TRAF3IP3: variants seen among roughly 807,000 people sequenced by gnomAD.
TRAF3IP3 encodes TRAF3 interacting protein 3, also known as TRAF3-interacting JNK-activating modulator.
In TRAF3IP3, 64 loss-of-function variants were observed where a neutral mutation model predicts 86.5. That is an observed-to-expected ratio of 0.74 (90% CI 0.60 to 0.91). The LOEUF is 0.91. TRAF3IP3 is among the 40% of genes least tolerant of loss of function. TRAF3IP3 has a pLI of 0.00. For synonymous variants in TRAF3IP3, 220 were observed against 243.9 expected, an observed-to-expected ratio of 0.90 and a Z score of 0.91; for missense variants, 579 against 642.9, an observed-to-expected ratio of 0.90 and a Z score of 1.07.
At position 209,766,725 on chromosome 1, in the gene TRAF3IP3, G is replaced by A. The variant is rs139057523; in HGVS notation, c.702+3138G>A. On this transcript the variant is annotated intron_variant, in intron 8 of 16. Coordinates refer to ENST00000367025, the MANE Select transcript of TRAF3IP3 (RefSeq NM_025228.4). ...CTAAAGATACAAAAATTAGCTGAGC[G>A]TAATCGTGCATGCCTGAAGTCCGAG... Among the ~76,000 whole-genome samples the A allele has an allele frequency of 1.2e-3, 190 of 152,304 alleles. 5 individuals carry two copies. In the East Asian group the frequency reaches 0.017, roughly 14 times the overall value.
At chr1:209,757,493 T>C (rs2077174997) in intron 1 of TRAF3IP3, among the ~76,000 whole-genome samples, 1 of 152,094 alleles carries the variant, frequency 6.6e-6, no homozygotes, top group South Asian at 2.1e-4. Flanking sequence ...CTTGGTGTAA[T>C]TGGGATGGCA....
chr1:209,780,730 C>A (rs2077759568), intron 15 of TRAF3IP3, 124 bp downstream of exon 15: 3 of 927,714 alleles, frequency 3.2e-6, no homozygotes, highest in South Asian at 3.1e-5. Context: ...CATTCATTTG[C>A]CTACATAAAG....
In TRAF3IP3 at chr1:209,781,855, C is replaced by T. The variant is rs144266223; in HGVS notation, c.1564-201C>T. 1.9e-3 allele frequency: 1,087 copies of T among 573,006 alleles called. 11 individuals carry two copies. The highest frequency in any genetic ancestry group is 0.018 in the African/African-American group (956 of 53,376). 35.5% of individuals were successfully genotyped at this position (573,006 alleles called of 1,614,324 possible). Reference sequence around the variant, plus strand: ...TTATATATCTGGTCCCTGATGGATACGGCTCCCTGGGCCAGAGAACATTGG... The same window carrying T: ...TTATATATCTGGTCCCTGATGGATATGGCTCCCTGGGCCAGAGAACATTGG... On this transcript the variant is annotated intron_variant, in intron 16 of 16. Coordinates refer to ENST00000367025, the MANE Select transcript of TRAF3IP3 (RefSeq NM_025228.4).
At chr1:209,771,049 CGT>C (rs2077491242) in intron 8 of TRAF3IP3, among the ~76,000 whole-genome samples, 6 of 48,572 alleles carry the variant, frequency 1.2e-4, no homozygotes, top group African/African-American at 4.1e-4. Context: ...TGGAAGTGTG[CGT>C]GTGCATGTGG....
intron 8 of TRAF3IP3, among the ~76,000 whole-genome samples, chr1:209,767,011 G>A (rs2077370156): frequency 6.6e-6 from 1 of 152,174 alleles, no homozygotes; most frequent in African/African-American, 2.4e-5. Context: ...ATGATTACAG[G>A]CCTATGTATG....
intron 1 of TRAF3IP3, among the ~76,000 whole-genome samples, chr1:209,757,165 C>A (rs2077168708): frequency 6.6e-6 from 1 of 152,230 alleles, no homozygotes; most frequent in African/African-American, 2.4e-5. Context: ...GGAACACTCC[C>A]CTCTCTAAGG....
At chr1:209,778,031 T>A in intron 12 of TRAF3IP3, 80 bp from the exon 13 acceptor site, 1 of 1,211,028 alleles carries the variant, frequency 8.3e-7, no homozygotes, top group Non-Finnish European at 1.2e-6. Context: ...AGACAGCATC[T>A]ATTACTAATT....
intron 16 of TRAF3IP3, 21 bp from the exon 17 acceptor site, chr1:209,782,035 T>C: frequency 1.2e-6 from 2 of 1,604,838 alleles, no homozygotes; most frequent in Non-Finnish European, 1.7e-6. Flanking sequence ...CACTTTCTTC[T>C]GTCTCCCTGT....
In TRAF3IP3 at chr1:209,760,294, G is replaced by A; in HGVS notation, c.255G>A (p.Arg85=). 1 of 1,614,184 alleles carries A rather than the reference G, an allele frequency of 6.2e-7. No homozygotes were observed. Among genetic ancestry groups the A allele is most frequent in the Non-Finnish European group, 8.5e-7 (1 of 1,180,018 alleles). The stretch of plus-strand genomic sequence containing the variant: ...GCAAAGCGCAGCATCCCCAGGCCAG[G>A]GAGCAAGGGCCCTCCAGGCGGCCAG... ...EKGKAQHPQA[R]EQGPSRRPGQ... The change falls in exon 3 of 17, where the codon AGG becomes AGA. Residue 85 remains arginine (R), a synonymous_variant. Coordinates refer to ENST00000367025, the MANE Select transcript of TRAF3IP3 (RefSeq NM_025228.4).
chr1:209,775,232 G>C lies in TRAF3IP3; in HGVS notation c.775-117G>C. 3 of 958,546 alleles carry C rather than the reference G, an allele frequency of 3.1e-6. No homozygotes were observed. In the South Asian group the frequency reaches 5.0e-5, roughly 16 times the overall value. 59.4% of individuals were successfully genotyped at this position (958,546 alleles called of 1,614,324 possible). A position where few individuals can be genotyped will look rare whatever the true frequency, so the allele number is the denominator to read the frequency against. On this transcript the variant is annotated intron_variant, in intron 9 of 16. Coordinates refer to ENST00000367025, the MANE Select transcript of TRAF3IP3 (RefSeq NM_025228.4). The stretch of plus-strand genomic sequence containing the variant: ...CTACCCTAAAAGAAATGGCTCACTA[G>C]ATTACTGGTATCTCTGCCTGGGGGA...
At chr1:209,777,515 G>A in intron 12 of TRAF3IP3, 28 bp downstream of exon 12, 1 of 1,567,914 alleles carries the variant, frequency 6.4e-7, no homozygotes, top group Non-Finnish European at 8.7e-7. Context: ...GGCCTTGAGT[G>A]CATGGCAGCC....
intron 2 of TRAF3IP3, among the ~76,000 whole-genome samples, chr1:209,759,444 C>A (rs891883060): frequency 2.0e-5 from 3 of 152,182 alleles, no homozygotes; most frequent in Non-Finnish European, 4.4e-5. Context: ...CTGGTCACCA[C>A]CTGAGGGGGT....
intron 11 of TRAF3IP3, 53 bp downstream of exon 11, chr1:209,775,789 G>A: frequency 6.5e-7 from 1 of 1,532,402 alleles, no homozygotes; most frequent in Non-Finnish European, 8.8e-7. Context: ...AGGAGGGATG[G>A]TGATGAAAGA....
At position 209,777,811 on chromosome 1, in the gene TRAF3IP3, T is replaced by G. The variant is rs570300116; in HGVS notation, c.1190-300T>G. ...TCCTAATTTGAAAGGGAAAGGTCAG[T>G]TGAAACACAAGGCATAGAGAAAGTC... On this transcript the variant is annotated intron_variant, in intron 12 of 16. Coordinates refer to ENST00000367025, the MANE Select transcript of TRAF3IP3 (RefSeq NM_025228.4). 50 of 522,622 alleles carry G rather than the reference T, an allele frequency of 9.6e-5. No homozygotes were observed. The South Asian group carries it at 1.0e-3, about 11-fold the overall frequency. 32.4% of individuals were successfully genotyped at this position (522,622 alleles called of 1,614,324 possible). A position where few individuals can be genotyped will look rare whatever the true frequency, so the allele number is the denominator to read the frequency against.
Position 209,760,049 on chromosome 1 carries a change from C to A in TRAF3IP3, c.10C>A (p.Pro4Thr). The A allele has an allele frequency of 1.2e-6, 2 of 1,613,306 alleles. No individual in the cohort carries two copies. The highest frequency in any genetic ancestry group is 1.7e-6 in the Non-Finnish European group (2 of 1,179,388). ...GTGCTTGGAGGTCATCATGATCAGCCCAGACCCCAGGCCCTCCCCTGGCTT... is the reference window on the plus strand; with the variant it reads ...GTGCTTGGAGGTCATCATGATCAGCACAGACCCCAGGCCCTCCCCTGGCTT... MIS[P>T]DPRPSPGLAR... Residue 4 changes from proline to threonine, a missense_variant, in exon 3 of 17, where the codon CCA becomes ACA. Physicochemically the swap from Pro to Thr is conservative, Grantham distance 38. Coordinates refer to ENST00000367025, the MANE Select transcript of TRAF3IP3 (RefSeq NM_025228.4).
rs1397060262 is a variant in TRAF3IP3, at chr1:209,763,112, G to A, written c.576+20G>A. On this transcript the variant is annotated intron_variant, in intron 6 of 16. Transcript: ENST00000367025. ...GATAAGGTAAGCACATATTCACTTT[G>A]AAGGGGTCAAATCAGAAAGTATTAA... 1 of 1,611,538 alleles carries A rather than the reference G, an allele frequency of 6.2e-7. No individual in the cohort carries two copies. Among genetic ancestry groups the A allele is most frequent in the East Asian group, 2.2e-5 (1 of 44,868 alleles).
chr1:209,774,655 G>A (rs990086002), intron 9 of TRAF3IP3, among the ~76,000 whole-genome samples: 9 of 152,236 alleles, frequency 5.9e-5, no homozygotes, highest in Non-Finnish European at 1.2e-4. Flanking sequence ...AAGTCTAGGC[G>A]TGTAAGAGGA....
At chr1:209,759,589 T>C (rs1314330008) in intron 2 of TRAF3IP3, among the ~76,000 whole-genome samples, 2 of 152,192 alleles carry the variant, frequency 1.3e-5, no homozygotes, top group African/African-American at 4.8e-5. Flanking sequence ...ACTTAGCTGC[T>C]TCTCTAGAAG....
At chr1:209,758,108 C>A (rs1320484425) in intron 1 of TRAF3IP3, among the ~76,000 whole-genome samples, 1 of 152,170 alleles carries the variant, frequency 6.6e-6, no homozygotes, top group Non-Finnish European at 1.5e-5. Flanking sequence ...TGCACATAAT[C>A]CTGCGTCTCC....
Sources: allele counts gnomAD v4.1 joint callset (sites outside exome capture counted in the v4.1 genomes callset), GRCh38; gene constraint gnomAD v4.1.1; transcripts MANE v1.5; gene names NCBI Gene and HGNC (gene_info 2026-07-23, HGNC 2026-07-21).